Variants in LRRC4C observed in about 807,000 individuals in gnomAD.
LRRC4C encodes leucine rich repeat containing 4C, also known as leucine-rich repeat-containing protein 4C.
LRRC4C carries 5 observed loss-of-function variants against 33.6 expected under a neutral mutation model. The observed-to-expected ratio is 0.15, with a 90% CI of 0.08 to 0.31. The LOEUF (loss-of-function observed/expected upper bound fraction) is 0.31. Among genes scored for constraint, LRRC4C ranks in the 10% least tolerant of loss-of-function variants. LRRC4C has a pLI of 1.00. For missense variants in LRRC4C, 560 were observed against 796.7 expected (o/e 0.70, Z 3.58); for synonymous variants, 329 against 302.0 (o/e 1.09, Z -0.93).
intron 2 of LRRC4C, among the ~76,000 whole-genome samples, chr11:40,895,584 A>T (rs1468323577): frequency 6.6e-6 from 1 of 152,172 alleles, no homozygotes; most frequent in Non-Finnish European, 1.5e-5. Flanking sequence ...CTGTTTTAAA[A>T]GGTATTTAGA....
intron 1 of LRRC4C, among the ~76,000 whole-genome samples, chr11:41,205,053 TTGTAAA>T (rs1946543835): frequency 6.6e-6 from 1 of 152,144 alleles, no homozygotes; most frequent in East Asian, 1.9e-4. Flanking sequence ...TGTTTGGTAA[TTGTAAA>T]TGTATACAAA....
At chr11:41,097,431 T>C (rs1317021584) in intron 1 of LRRC4C, among the ~76,000 whole-genome samples, 1 of 152,142 alleles carries the variant, frequency 6.6e-6, no homozygotes, top group Non-Finnish European at 1.5e-5. Context: ...CACTATTGAC[T>C]AACATTAGAC....
In LRRC4C at chr11:40,366,753, A is replaced by G. The variant is rs555415152; in HGVS notation, c.-269-47032T>C. 3.3e-5 allele frequency among the ~76,000 whole-genome samples: 5 copies of G among 152,174 alleles called. No homozygotes were observed. In the East Asian group the frequency reaches 9.7e-4, roughly 29 times the overall value. On this transcript the variant is annotated intron_variant, in intron 3 of 6. Coordinates refer to ENST00000528697, the MANE Select transcript of LRRC4C (RefSeq NM_001258419.2). ...GGTAAAGGAAGACAGACACAATGAT[A>G]TGAGGTGACAGAAACAGCACCCAGA... is the stretch of plus-strand genomic sequence containing the variant.
intron 3 of LRRC4C, among the ~76,000 whole-genome samples, chr11:40,601,561 A>G (rs939303486): frequency 1.9e-4 from 29 of 152,226 alleles, no homozygotes; most frequent in Admixed American, 8.5e-4. Context: ...CTGATGATCA[A>G]TCAAGTACAA....
At chr11:40,590,307 G>A (rs1397839280) in intron 3 of LRRC4C, among the ~76,000 whole-genome samples, 1 of 149,964 alleles carries the variant, frequency 6.7e-6, no homozygotes, top group Non-Finnish European at 1.5e-5. Context: ...CATAGTTCTC[G>A]AGCCTTGGTT....
intron 3 of LRRC4C, chr11:40,446,630 A>G (rs1437983326): frequency 6.6e-6 from 1 of 152,130 alleles, no homozygotes; most frequent in Non-Finnish European, 1.5e-5. Context: ...AGACTAGGTA[A>G]TTTACAAAGA....
chr11:40,243,047 T>A (rs1340992829), intron 4 of LRRC4C, among the ~76,000 whole-genome samples: 1 of 152,232 alleles, frequency 6.6e-6, no homozygotes, highest in Non-Finnish European at 1.5e-5. Context: ...TAACTGTATG[T>A]GCCTTTGCAA....
chr11:40,655,668 C>T (rs137992976), intron 2 of LRRC4C, among the ~76,000 whole-genome samples: 1 of 152,230 alleles, frequency 6.6e-6, no homozygotes, highest in Non-Finnish European at 1.5e-5. Flanking sequence ...ACCACTGGCA[C>T]AACAGGAGGA....
intron 1 of LRRC4C, among the ~76,000 whole-genome samples, chr11:41,429,153 T>A (rs1310337163): frequency 3.3e-5 from 5 of 152,112 alleles, no homozygotes; most frequent in African/African-American, 1.2e-4. Flanking sequence ...TTATAAGGTA[T>A]AAGGGGCTTT....
At chr11:40,613,771 G>A (rs1193520565) in intron 3 of LRRC4C, among the ~76,000 whole-genome samples, 2 of 151,844 alleles carry the variant, frequency 1.3e-5, no homozygotes, top group Non-Finnish European at 2.9e-5. Context: ...TTCATGGGGT[G>A]AAGAATGGGT....
intron 3 of LRRC4C, among the ~76,000 whole-genome samples, chr11:40,640,884 CG>C (rs1239002092): frequency 6.6e-6 from 1 of 151,798 alleles, no homozygotes; most frequent in East Asian, 1.9e-4. Flanking sequence ...GGCGTGGTGG[CG>C]GGCGCCTGTA....
At chr11:40,292,922 A>C (rs1238524834) in intron 4 of LRRC4C, 2 of 149,868 alleles carry the variant, frequency 1.3e-5, no homozygotes, top group African/African-American at 4.9e-5. Flanking sequence ...ACCACCACCA[A>C]AAAAAAAAGT....
intron 1 of LRRC4C, among the ~76,000 whole-genome samples, chr11:41,378,287 G>T (rs1289043674): frequency 6.6e-6 from 1 of 152,082 alleles, no homozygotes; most frequent in Non-Finnish European, 1.5e-5. Context: ...TAGGCACAAA[G>T]TGCCAGGAGA....
At position 41,149,086 on chromosome 11, in the gene LRRC4C, T is replaced by C. The variant is rs117682314; in HGVS notation, c.-495-215363A>G. Among the ~76,000 whole-genome samples the C allele has an allele frequency of 2.5e-3, 376 of 152,238 alleles. 13 individuals carry two copies. In the East Asian group the frequency reaches 0.065, roughly 26 times the overall value. On this transcript the variant is annotated intron_variant, in intron 1 of 6. Coordinates refer to ENST00000528697, the MANE Select transcript of LRRC4C (RefSeq NM_001258419.2). The stretch of plus-strand genomic sequence containing the variant: ...TTTCCTTGCTTGCTGGTGAGCAGAA[T>C]TTATTTTTTCAGAAAAAAACAAAAA...
chr11:40,264,554 T>G (rs959757164), intron 4 of LRRC4C, among the ~76,000 whole-genome samples: 2 of 152,222 alleles, frequency 1.3e-5, no homozygotes, highest in African/African-American at 4.8e-5. Context: ...AAAAAGGACT[T>G]GCATCCTCTG....
At chr11:40,122,889 T>C (rs915261373) in intron 6 of LRRC4C, among the ~76,000 whole-genome samples, 3 of 150,232 alleles carry the variant, frequency 2.0e-5, no homozygotes, top group Non-Finnish European at 3.0e-5. Flanking sequence ...TATATATAGA[T>C]AGATATAGGT....
chr11:41,325,607 G>A (rs1451145650), intron 1 of LRRC4C, among the ~76,000 whole-genome samples: 1 of 144,270 alleles, frequency 6.9e-6, no homozygotes, highest in Non-Finnish European at 1.5e-5. Context: ...GTGTGTGTGT[G>A]TGTGTGTTAA....
Position 41,177,927 on chromosome 11 carries a change from G to T in LRRC4C, c.-495-244204C>A, listed in dbSNP as rs76131419. On this transcript the variant is annotated intron_variant, in intron 1 of 6. Coordinates refer to ENST00000528697, the MANE Select transcript of LRRC4C (RefSeq NM_001258419.2). The stretch of plus-strand genomic sequence containing the variant: ...CAAATCCCACAGCCAAGTGTGAGGG[G>T]TGGAGAAGAGGTCCAACTAAGAAGC... Among the ~76,000 whole-genome samples, 226 of 152,290 alleles carry T rather than the reference G, an allele frequency of 1.5e-3. 2 individuals carry two copies. The highest frequency in any genetic ancestry group is 5.2e-3 in the African/African-American group (216 of 41,554).
At chr11:41,342,572 G>A (rs756473602) in intron 1 of LRRC4C, among the ~76,000 whole-genome samples, 6 of 152,010 alleles carry the variant, frequency 3.9e-5, no homozygotes, top group Non-Finnish European at 7.4e-5. Flanking sequence ...AACATTAGCC[G>A]GGTGTGGTGG....
Sources: allele counts gnomAD v4.1 joint callset (sites outside exome capture counted in the v4.1 genomes callset), GRCh38; gene constraint gnomAD v4.1.1; transcripts MANE v1.5; gene names NCBI Gene and HGNC (gene_info 2026-07-23, HGNC 2026-07-21).